Variants in GDAP2 observed in about 807,000 individuals in gnomAD.
The protein encoded by GDAP2 is ganglioside induced differentiation associated protein 2.
A neutral mutation model predicts 67.0 loss-of-function variants in GDAP2; 51 were observed. The observed-to-expected ratio is 0.76, with a 90% CI of 0.61 to 0.96. The LOEUF (loss-of-function observed/expected upper bound fraction) is 0.96, where lower values mean the gene tolerates loss of function less well. Among genes scored for constraint, GDAP2 ranks in the 40% least tolerant of loss-of-function variants. The probability of loss-of-function intolerance (pLI) is 0.00; values close to 1 mark genes in which losing one functional copy is unlikely to be tolerated. For missense variants in GDAP2, 547 were observed against 588.3 expected (o/e 0.93, Z 0.73); for synonymous variants, 203 against 207.3 (o/e 0.98, Z 0.18).
intron 13 of GDAP2, among the ~76,000 whole-genome samples, chr1:117,874,975 T>C (rs1395414853): frequency 6.6e-6 from 1 of 152,202 alleles, no homozygotes; most frequent in Non-Finnish European, 1.5e-5. Flanking sequence ...GTGGTGTGGC[T>C]GCTTTTAACA....
chr1:117,921,597 CTAGGTAATGAGTGG>C (rs1650257779), intron 1 of GDAP2, among the ~76,000 whole-genome samples: 1 of 152,008 alleles, frequency 6.6e-6, no homozygotes, highest in Non-Finnish European at 1.5e-5. Context: ...GCAGAATAAG[CTAGGTAATGAGTGG>C]TAGGTGATGA....
chr1:117,916,132 T>C (rs908614504), intron 3 of GDAP2, among the ~76,000 whole-genome samples: 1 of 152,170 alleles, frequency 6.6e-6, no homozygotes, highest in African/African-American at 2.4e-5. Context: ...AGGATTACAA[T>C]TGTGATAAGC....
At chr1:117,894,238 G>A (rs544718829) in intron 8 of GDAP2, among the ~76,000 whole-genome samples, 7 of 152,060 alleles carry the variant, frequency 4.6e-5, no homozygotes, top group African/African-American at 1.7e-4. Flanking sequence ...CACCTCCTGG[G>A]CTCCTCAGCC....
intron 6 of GDAP2, among the ~76,000 whole-genome samples, chr1:117,899,962 ATT>A (rs1194709834): frequency 6.6e-6 from 1 of 152,110 alleles, no homozygotes; most frequent in Non-Finnish European, 1.5e-5. Flanking sequence ...TCAAGAAATC[ATT>A]TTCTTTCATT....
chr1:117,906,674 G>T, intron 5 of GDAP2, 92 bp from the exon 6 acceptor site: 1 of 695,294 alleles, frequency 1.4e-6, no homozygotes, highest in South Asian at 1.7e-5. Flanking sequence ...GTTTTGTAAT[G>T]GATCACTTCT....
intron 8 of GDAP2, among the ~76,000 whole-genome samples, chr1:117,889,453 A>T (rs1043787765): frequency 2.0e-5 from 3 of 152,018 alleles, no homozygotes; most frequent in African/African-American, 7.2e-5. Flanking sequence ...GTATTCTTTG[A>T]CCAACATCTC....
rs112229536 is a variant in GDAP2, at chr1:117,864,678, T to C, written c.*5891A>G. The C allele has an allele frequency of 6.6e-6, 1 of 152,294 alleles. No individual in the cohort carries two copies. The highest frequency in any genetic ancestry group is 2.4e-5 in the African/African-American group (1 of 41,582). 9.4% of individuals were successfully genotyped at this position (152,294 alleles called of 1,614,324 possible). On this transcript the variant is annotated 3_prime_UTR_variant, in exon 14 of 14. Transcript: ENST00000369443. ...TTATACCTAGTTTTATGTTTATATA[T>C]ATTTAGATAACATTATAATAAATAT...
rs1648063522 is a variant in GDAP2, at chr1:117,866,452, GT to G, written c.*4116del. On this transcript the variant is annotated 3_prime_UTR_variant, in exon 14 of 14. Coordinates refer to ENST00000369443, the MANE Select transcript of GDAP2 (RefSeq NM_017686.4). ...TAAAGCCCTCCTTTCATTCTTCATG[GT>G]CTTTTTGCAAAACAAGAGTTAATTA... 1 of 152,210 alleles carries G rather than the reference GT, an allele frequency of 6.6e-6. No individual in the cohort carries two copies. Among genetic ancestry groups the G allele is most frequent in the Non-Finnish European group, 1.5e-5 (1 of 68,002 alleles). The allele number at this position is 152,210 out of a possible 1,614,324, so 9.4% of individuals were successfully genotyped here. A position where few individuals can be genotyped will look rare whatever the true frequency, so the allele number is the denominator to read the frequency against.
chr1:117,903,910 C>T (rs1649568470), intron 6 of GDAP2, among the ~76,000 whole-genome samples: 1 of 152,102 alleles, frequency 6.6e-6, no homozygotes, highest in Admixed American at 6.5e-5. Flanking sequence ...AAGGTAAAAT[C>T]TCAGACTCTG....
chr1:117,881,053 C>T (rs541067921), intron 12 of GDAP2, among the ~76,000 whole-genome samples: 80 of 152,200 alleles, frequency 5.3e-4, no homozygotes, highest in African/African-American at 1.8e-3. Context: ...TCCTTACTGA[C>T]GGTTTCTTTG....
At position 117,918,687 on chromosome 1, in the gene GDAP2, T is replaced by G; in HGVS notation, c.226A>C (p.Asn76His). 1 of 1,599,918 alleles carries G rather than the reference T, an allele frequency of 6.3e-7. No homozygotes were observed. The highest frequency in any genetic ancestry group is 1.1e-5 in the South Asian group (1 of 90,772). ...LNCTAIVNTS[N>H]ESLTDKNPVS... is the part of the protein sequence containing the mutation. ...GGATTCTTATCTGTGAGACTTTCAT[T>G]GCTGGTATTCACAATGGCTGTACAG... The change falls in exon 3 of 14, where the codon AAT (asparagine) becomes CAT (histidine). Residue 76 changes from asparagine to histidine, a missense_variant. Asn to His is a moderately conservative substitution (Grantham distance 68, BLOSUM62 1). Coordinates refer to ENST00000369443, the MANE Select transcript of GDAP2 (RefSeq NM_017686.4).
Position 117,920,379 on chromosome 1 carries a change from CTT to C in GDAP2, c.-24_-23del, listed in dbSNP as rs1650205562. 6.5e-7 allele frequency: 1 copy of C among 1,546,568 alleles called. No individual in the cohort carries two copies. Among genetic ancestry groups the C allele is most frequent in the African/African-American group, 1.4e-5 (1 of 72,790 alleles). ...CCATGGAATGGGAACTTTGATTTGT[CTT>C]TTCCCAAAATCCTCAGCAATTCAAT... On this transcript the variant is annotated 5_prime_UTR_variant, in exon 2 of 14. Coordinates refer to ENST00000369443, the MANE Select transcript of GDAP2 (RefSeq NM_017686.4).
chr1:117,886,805 T>C (rs1648871998), intron 9 of GDAP2, 152 bp from the exon 10 acceptor site: 4 of 551,212 alleles, frequency 7.3e-6, no homozygotes, highest in Middle Eastern at 2.7e-4. Context: ...CAATTTTTTT[T>C]CTACTCTGCA....
At chr1:117,918,337 T>C (rs1650120133) in intron 3 of GDAP2, among the ~76,000 whole-genome samples, 1 of 152,208 alleles carries the variant, frequency 6.6e-6, no homozygotes, top group African/African-American at 2.4e-5. Context: ...AAGACACAGC[T>C]ACAGTGATTG....
Position 117,929,492 on chromosome 1 carries a change from G to C in GDAP2, c.-112C>G, listed in dbSNP as rs1220915807. 6.6e-6 allele frequency: 1 copy of C among 152,656 alleles called. No individual in the cohort carries two copies. Among genetic ancestry groups the C allele is most frequent in the Non-Finnish European group, 1.5e-5 (1 of 68,402 alleles). 9.5% of individuals were successfully genotyped at this position (152,656 alleles called of 1,614,324 possible). ...CCGGGCGGCGGGCGGCACGGATCAG[G>C]CTCCTGGTAGAAGGCGGCCGAGCGA... On this transcript the variant is annotated 5_prime_UTR_variant, in exon 1 of 14. Coordinates refer to ENST00000369443, the MANE Select transcript of GDAP2 (RefSeq NM_017686.4).
At chr1:117,900,568 T>C (rs1302890900) in intron 6 of GDAP2, among the ~76,000 whole-genome samples, 1 of 151,704 alleles carries the variant, frequency 6.6e-6, no homozygotes, top group Non-Finnish European at 1.5e-5. Context: ...GAGATTGATA[T>C]CAACCTGACC....
chr1:117,864,263 T>A lies in GDAP2; in HGVS notation c.*6306A>T, dbSNP rs1647989448. On this transcript the variant is annotated 3_prime_UTR_variant, in exon 14 of 14. Coordinates refer to ENST00000369443, the MANE Select transcript of GDAP2 (RefSeq NM_017686.4). ...TCAGTGCTTAGGTTTGTATTTGTAT[T>A]GACTTCCCTGTTAAGGCCCAGTTCT... 1 of 152,248 alleles carries A rather than the reference T, an allele frequency of 6.6e-6. No homozygotes were observed. The highest frequency in any genetic ancestry group is 1.5e-5 in the Non-Finnish European group (1 of 68,044). 9.4% of individuals were successfully genotyped at this position (152,248 alleles called of 1,614,324 possible).
At chr1:117,908,059 C>T (rs761801333) in intron 5 of GDAP2, among the ~76,000 whole-genome samples, 10 of 151,900 alleles carry the variant, frequency 6.6e-5, no homozygotes, top group Admixed American at 3.9e-4. Context: ...CCTCTGCTTG[C>T]ATGTGCCTAC....
At chr1:117,875,302 A>G (rs1648419329) in intron 13 of GDAP2, among the ~76,000 whole-genome samples, 1 of 152,230 alleles carries the variant, frequency 6.6e-6, no homozygotes, top group Admixed American at 6.5e-5. Context: ...GCGATGGCTC[A>G]AAGGGTCCCA....
Sources: gnomAD v4.1 joint callset for allele counts (sites outside exome capture counted in the v4.1 genomes callset) on GRCh38, gnomAD v4.1.1 for gene constraint, MANE v1.5 for transcripts, NCBI Gene and HGNC (gene_info 2026-07-23, HGNC 2026-07-21) for gene names.